The following ZBTB38 variants were observed in gnomAD, a reference collection of about 807,000 sequenced individuals.
The protein encoded by ZBTB38 is zinc finger and BTB domain containing 38.
A neutral mutation model predicts 76.8 loss-of-function variants in ZBTB38; 20 were observed. The ratio of observed to expected loss-of-function variants is 0.26; its 90% CI spans 0.18 to 0.38. The LOEUF is 0.38. Among genes scored for constraint, ZBTB38 ranks in the 10% least tolerant of loss-of-function variants. ZBTB38 has a pLI of 1.00. For synonymous variants in ZBTB38, 504 were observed against 544.2 expected (o/e 0.93, Z 1.03); for missense variants, 1,082 against 1,482.3 (o/e 0.73, Z 4.43).
rs779436383 is a variant in ZBTB38 at position 141,443,399 on chromosome 3, T to C, written c.1011T>C (p.Val337=). Residue 337 remains valine (V), a synonymous_variant, in exon 6 of 6, where the codon GTT becomes GTC. Transcript: ENST00000321464. The surrounding 1 kb of genome is among the most constrained non-coding windows in gnomAD (Gnocchi z 5.6). The part of the protein sequence containing the change: ...SDVPGPPAAE[V]PPLVYNCSCC... Reference sequence around the variant, plus strand: ...TTCCCGGGCCGCCAGCCGCAGAGGTTCCACCTCTGGTGTACAATTGTAGCT... The same window carrying C: ...TTCCCGGGCCGCCAGCCGCAGAGGTCCCACCTCTGGTGTACAATTGTAGCT... 6.2e-7 allele frequency: 1 copy of C among 1,614,252 alleles called. No homozygotes were observed. Among genetic ancestry groups the C allele is most frequent in the Non-Finnish European group, 8.5e-7 (1 of 1,180,056 alleles).
rs1183583732 is a variant in ZBTB38 at position 141,381,345 on chromosome 3, A to T, written c.-234-80A>T. ...GATGGGTTGAGATGTTGTCTACCAC[A>T]GTCTGCCTTGCAGCCTATGTCATTT... On this transcript the variant is annotated intron_variant, in intron 2 of 5. Coordinates refer to ENST00000321464, the MANE Select transcript of ZBTB38 (RefSeq NM_001376113.1). The T allele has an allele frequency of 2.0e-5, 3 of 152,270 alleles. No homozygotes were observed. In the East Asian group the frequency reaches 5.8e-4, roughly 29 times the overall value. The allele number at this position is 152,270 out of a possible 1,614,324, so 9.4% of individuals were successfully genotyped here.
rs1250606791 is a variant in ZBTB38 at position 141,442,631 on chromosome 3, T to C, written c.243T>C (p.Ala81=). The C allele has an allele frequency of 1.2e-6, 2 of 1,614,098 alleles. No individual in the cohort carries two copies. Among genetic ancestry groups the C allele is most frequent in the African/African-American group, 1.3e-5 (1 of 74,940 alleles). The part of the protein sequence containing the change: ...SHVLELDDLK[A]EVFTEILNYI... ...TCCTGGAGCTGGACGATCTCAAAGCTGAAGTGTTTACTGAAATACTTAATT... is the reference window on the plus strand; with the variant it reads ...TCCTGGAGCTGGACGATCTCAAAGCCGAAGTGTTTACTGAAATACTTAATT... Residue 81 remains alanine (A), a synonymous_variant, in exon 6 of 6, where the codon GCT becomes GCC. Coordinates refer to ENST00000321464, the MANE Select transcript of ZBTB38 (RefSeq NM_001376113.1). The surrounding 1 kb of genome is among the most constrained non-coding windows in gnomAD (Gnocchi z 6.4).
intron 1 of ZBTB38, among the ~76,000 whole-genome samples, chr3:141,352,713 A>G (rs1029639906): frequency 2.6e-5 from 4 of 152,100 alleles, no homozygotes; most frequent in African/African-American, 9.7e-5. Flanking sequence ...GCCACAAAGC[A>G]GCTCTCTAGG....
At chr3:141,370,832 C>T (rs1387045038) in intron 2 of ZBTB38, among the ~76,000 whole-genome samples, 1 of 152,084 alleles carries the variant, frequency 6.6e-6, no homozygotes, top group African/African-American at 2.4e-5. Context: ...GGAATTGTGA[C>T]AGAATTCTGC....
chr3:141,409,225 T>C (rs557091891), intron 5 of ZBTB38, among the ~76,000 whole-genome samples: 1 of 152,200 alleles, frequency 6.6e-6, no homozygotes, highest in East Asian at 1.9e-4. Flanking sequence ...TTTGTATTTT[T>C]AGTAGAGATG....
rs1052902418 is a variant in ZBTB38, at chr3:141,368,741, G to C, written c.-373G>C. 7.9e-5 allele frequency: 12 copies of C among 152,106 alleles called. No homozygotes were observed. The highest frequency in any genetic ancestry group is 7.2e-4 in the Admixed American group (11 of 15,280). 9.4% of individuals were successfully genotyped at this position (152,106 alleles called of 1,614,324 possible). On this transcript the variant is annotated 5_prime_UTR_variant, in exon 1 of 6. Transcript: ENST00000321464. ...AGTGAAGAACCCAGAGCACGAAAGC[G>C]GTTGTGACTCCTGGGCCCAGGGAGT...
At chr3:141,414,684 C>T (rs941512956) in intron 5 of ZBTB38, among the ~76,000 whole-genome samples, 10 of 152,194 alleles carry the variant, frequency 6.6e-5, no homozygotes, top group Non-Finnish European at 1.3e-4. Context: ...CGTCTTAAGG[C>T]AGCCAGATGG....
intron 5 of ZBTB38, among the ~76,000 whole-genome samples, chr3:141,422,410 G>A (rs950163944): frequency 2.6e-5 from 4 of 152,126 alleles, no homozygotes; most frequent in Admixed American, 1.3e-4. Flanking sequence ...AAGGCCCCTC[G>A]CCACCAAGGC....
At chr3:141,425,315 G>A (rs535916315) in intron 5 of ZBTB38, among the ~76,000 whole-genome samples, 4 of 152,154 alleles carry the variant, frequency 2.6e-5, no homozygotes, top group East Asian at 1.9e-4. Context: ...GTAACTCTAC[G>A]TATACATTCA....
intron 5 of ZBTB38, among the ~76,000 whole-genome samples, chr3:141,432,518 G>T (rs961259193): frequency 1.3e-5 from 2 of 152,118 alleles, no homozygotes; most frequent in Admixed American, 6.5e-5. Context: ...GGACTGAAAA[G>T]GTTTACTTAA....
chr3:141,362,923 G>T (rs1418634673), intron 1 of ZBTB38, among the ~76,000 whole-genome samples: 2 of 152,084 alleles, frequency 1.3e-5, no homozygotes, highest in Non-Finnish European at 2.9e-5. Context: ...GTAGGTCATG[G>T]TCTGAATAGG....
At chr3:141,429,463 C>G (rs2077035689) in intron 5 of ZBTB38, among the ~76,000 whole-genome samples, 1 of 152,188 alleles carries the variant, frequency 6.6e-6, no homozygotes, top group African/African-American at 2.4e-5. Flanking sequence ...TCGGGGTGAG[C>G]CTGGTTTGTG....
chr3:141,362,742 G>A (rs1943856700), intron 1 of ZBTB38, among the ~76,000 whole-genome samples: 2 of 152,116 alleles, frequency 1.3e-5, no homozygotes, highest in African/African-American at 4.8e-5. Flanking sequence ...GAAGCTATGG[G>A]GTGTAAGAGG....
intron 3 of ZBTB38, among the ~76,000 whole-genome samples, chr3:141,384,388 ATGACTTAGT>A (rs1232955814): frequency 6.6e-6 from 1 of 152,248 alleles, no homozygotes; most frequent in Non-Finnish European, 1.5e-5. Flanking sequence ...GAGGAGGCAG[ATGACTTAGT>A]TCTATGTGGT....
chr3:141,427,998 C>CACCT (rs1470004480), intron 5 of ZBTB38, among the ~76,000 whole-genome samples: 1 of 152,196 alleles, frequency 6.6e-6, no homozygotes, highest in African/African-American at 2.4e-5. Context: ...AGCTGTTGTA[C>CACCT]ACCTGGCCAG....
intron 2 of ZBTB38, among the ~76,000 whole-genome samples, chr3:141,373,790 T>C (rs1236976663): frequency 2.6e-5 from 4 of 152,194 alleles, no homozygotes; most frequent in Non-Finnish European, 5.9e-5. Context: ...GTAGGTGATA[T>C]ATGCAAAATG....
rs560021101 is a variant in ZBTB38 at position 141,342,195 on chromosome 3, C to T, written c.-739+17739C>T. ...CAAAAATTGGCCAGGCGTGGTGGTG[C>T]GTGCCTATAGTCCCGGCTACTCAGG... On this transcript the variant is annotated intron_variant, in intron 1 of 7. Coordinates refer to the ZBTB38 transcript ENST00000509842. Among the ~76,000 whole-genome samples the T allele has an allele frequency of 1.2e-3, 181 of 151,976 alleles. 1 individual carries two copies. The highest frequency in any genetic ancestry group is 4.2e-3 in the African/African-American group (173 of 41,460).
chr3:141,359,442 G>A (rs1459583635), intron 1 of ZBTB38, among the ~76,000 whole-genome samples: 1 of 152,230 alleles, frequency 6.6e-6, no homozygotes, highest in Non-Finnish European at 1.5e-5. Flanking sequence ...AGCCCCTATG[G>A]TGGGTGGTGA....
chr3:141,445,049 C>G lies in ZBTB38; in HGVS notation c.2661C>G (p.Ser887Arg). ...QGNDPEPSGD[S>R]PLGLCQSECM... ...ATGACCCAGAACCCAGTGGAGACAG[C>G]CCACTCGGGCTTTGCCAATCCGAGT... The change falls in exon 6 of 6, where the codon AGC becomes AGG. Residue 887 changes from serine (S) to arginine (R), a missense_variant. Around this residue, in one of 8 missense-constraint regions of ZBTB38, gnomAD observed 471 missense variants for 581.0 expected, o/e 0.81. Transcript: ENST00000321464. The surrounding 1 kb of genome is among the most constrained non-coding windows in gnomAD (Gnocchi z 6.5). 2.5e-6 allele frequency: 4 copies of G among 1,614,156 alleles called. No individual in the cohort carries two copies. The highest frequency in any genetic ancestry group is 3.4e-6 in the Non-Finnish European group (4 of 1,180,028).
Sources: allele counts gnomAD v4.1 joint callset (sites outside exome capture counted in the v4.1 genomes callset), GRCh38; gene constraint gnomAD v4.1.1; regional missense constraint gnomAD v4.1.1; non-coding constraint Gnocchi (gnomAD v3.1); transcripts MANE v1.5; gene names NCBI Gene and HGNC (gene_info 2026-07-23, HGNC 2026-07-21).